The following RPS6KA2 variants were observed in gnomAD, a reference collection of about 807,000 sequenced individuals.
RPS6KA2 encodes ribosomal protein S6 kinase alpha-2.
Under a neutral mutation model 91.8 loss-of-function variants are expected in RPS6KA2, and 42 were observed. That is an observed-to-expected ratio of 0.46 (90% CI 0.36 to 0.59). The LOEUF is 0.59. Ranked by LOEUF, RPS6KA2 falls within the 20% of genes least tolerant of loss-of-function variation. The pLI is 0.00. For synonymous variants in RPS6KA2, 414 were observed against 393.6 expected (o/e 1.05, Z -0.61); for missense variants, 798 against 978.5 (o/e 0.82, Z 2.46).
Position 166,770,139 on chromosome 6 carries a change from G to A in RPS6KA2, c.123+88061C>T, listed in dbSNP as rs1778426806. On this transcript the variant is annotated intron_variant, in intron 2 of 21. Transcript: ENST00000503859. The surrounding 1 kb of genome is among the most constrained non-coding windows in gnomAD (Gnocchi z 5.1). ...ACCGCTGCAGAGGCGCGGCCCCAAG[G>A]ATGATCAATCCCATGGTGTCACAAC... Among the ~76,000 whole-genome samples the A allele has an allele frequency of 6.6e-6, 1 of 152,210 alleles. No homozygotes were observed. The highest frequency in any genetic ancestry group is 3.2e-3 in the Middle Eastern group (1 of 316).
At position 166,448,928 on chromosome 6, in the gene RPS6KA2, G is replaced by A. The variant is rs1472991311; in HGVS notation, c.1207-79C>T. On this transcript the variant is annotated intron_variant, in intron 13 of 20. Coordinates refer to ENST00000265678, the MANE Select transcript of RPS6KA2 (RefSeq NM_021135.6). The surrounding 1 kb of genome is among the most constrained non-coding windows in gnomAD (Gnocchi z 4.7). ...GTGCAGCTACACGCACACAGAATGT[G>A]GGGCGAAGAGAGGCACCGACTGTGA... is the stretch of plus-strand genomic sequence containing the variant. The A allele has an allele frequency of 6.4e-7, 1 of 1,556,436 alleles. No individual in the cohort carries two copies. The highest frequency in any genetic ancestry group is 8.8e-7 in the Non-Finnish European group (1 of 1,140,036).
chr6:166,611,574 G>A (rs946932307), intron 1 of RPS6KA2, among the ~76,000 whole-genome samples: 22 of 152,252 alleles, frequency 1.4e-4, no homozygotes, highest in Admixed American at 1.0e-3. Context: ...ATCTGTGTCA[G>A]AGAAAATCCA....
At position 166,423,222 on chromosome 6, in the gene RPS6KA2, G is replaced by C. The variant is rs1778788949; in HGVS notation, c.1743+34C>G. The stretch of plus-strand genomic sequence containing the variant: ...GGGGCAGAGCCTGTCTTTGCGGATA[G>C]AGAGGCCTGGGTCTGCAGTCGGGGA... On this transcript the variant is annotated intron_variant, in intron 17 of 20. Transcript: ENST00000265678. The surrounding 1 kb of genome is among the most constrained non-coding windows in gnomAD (Gnocchi z 4.8). 6.3e-7 allele frequency: 1 copy of C among 1,580,478 alleles called. No individual in the cohort carries two copies. Among genetic ancestry groups the C allele is most frequent in the African/African-American group, 1.3e-5 (1 of 74,372 alleles).
At position 166,435,373 on chromosome 6, in the gene RPS6KA2, G is replaced by C. The variant is rs144450095; in HGVS notation, c.1333-2883C>G. 6.6e-6 allele frequency among the ~76,000 whole-genome samples: 1 copy of C among 152,190 alleles called. No individual in the cohort carries two copies. Among genetic ancestry groups the C allele is most frequent in the Non-Finnish European group, 1.5e-5 (1 of 68,028 alleles). On this transcript the variant is annotated intron_variant, in intron 14 of 20. Coordinates refer to ENST00000265678, the MANE Select transcript of RPS6KA2 (RefSeq NM_021135.6). The surrounding 1 kb of genome is among the most constrained non-coding windows in gnomAD (Gnocchi z 4.3). ...GAGGCACACTGGATTTCAACCCATC[G>C]GAGCCAGTGTCCTGGTCATTTGCTA...
chr6:166,648,193 CTCAT>C lies in RPS6KA2; in HGVS notation c.124-109413_124-109410del, dbSNP rs5881710. 0.19 allele frequency among the ~76,000 whole-genome samples: 20,900 copies of C among 111,810 alleles called. 1,458 individuals are homozygous for C. Among genetic ancestry groups the C allele is most frequent in the East Asian group, 0.27 (962 of 3,528 alleles). 73.4% of individuals were successfully genotyped at this position (111,810 alleles called of 152,430 possible). A position where few individuals can be genotyped will look rare whatever the true frequency, so the allele number is the denominator to read the frequency against. On this transcript the variant is annotated intron_variant, in intron 2 of 21. Coordinates refer to the RPS6KA2 transcript ENST00000503859. The surrounding 1 kb of genome is among the most constrained non-coding windows in gnomAD (Gnocchi z 4.8). Reference sequence around the variant, plus strand: ...ACATGCTCACACACATGCACACATGCTCATACACACACTCATGCACACACACGCA... The same window carrying C: ...ACATGCTCACACACATGCACACATGCACACACACTCATGCACACACACGCA...
chr6:166,436,667 C>A (rs1779321107), intron 14 of RPS6KA2, among the ~76,000 whole-genome samples: 1 of 152,238 alleles, frequency 6.6e-6, no homozygotes, highest in African/African-American at 2.4e-5. Context: ...TAACAGTCAG[C>A]CTCCTGGCTT....
chr6:166,489,051 C>T, intron 9 of RPS6KA2, 130 bp from the exon 10 acceptor site: 1 of 671,556 alleles, frequency 1.5e-6, no homozygotes, highest in Middle Eastern at 2.5e-4. Context: ...CCACGTGGGT[C>T]TTAGGACCCT....
chr6:166,508,414 G>A lies in RPS6KA2; in HGVS notation c.380-132C>T, dbSNP rs1165686048. On this transcript the variant is annotated intron_variant, in intron 4 of 20. Coordinates refer to ENST00000265678, the MANE Select transcript of RPS6KA2 (RefSeq NM_021135.6). The surrounding 1 kb of genome is among the most constrained non-coding windows in gnomAD (Gnocchi z 4.3). ...GTCACTTGAGAAACGGCAGGACCCCGGCTGGTGACCAGCTCAGAGGGGCAG... is the reference window on the plus strand; with the variant it reads ...GTCACTTGAGAAACGGCAGGACCCCAGCTGGTGACCAGCTCAGAGGGGCAG... 2 of 637,296 alleles carry A rather than the reference G, an allele frequency of 3.1e-6. No homozygotes were observed. The allele number at this position is 637,296 out of a possible 1,614,324, so 39.5% of individuals were successfully genotyped here.
chr6:166,542,986 A>C (rs575419661), intron 1 of RPS6KA2, among the ~76,000 whole-genome samples: 1 of 152,078 alleles, frequency 6.6e-6, no homozygotes, highest in East Asian at 1.9e-4. Flanking sequence ...AATTTCCAGA[A>C]TAATAACAGA....
At chr6:166,496,845 T>C (rs1781803579) in intron 8 of RPS6KA2, among the ~76,000 whole-genome samples, 1 of 152,214 alleles carries the variant, frequency 6.6e-6, no homozygotes, top group African/African-American at 2.4e-5. Flanking sequence ...GAATCTCTCC[T>C]GAAGCCACAG....
chr6:166,501,306 G>A (rs753735761), intron 6 of RPS6KA2, among the ~76,000 whole-genome samples: 2 of 152,200 alleles, frequency 1.3e-5, no homozygotes, highest in African/African-American at 4.8e-5. Context: ...CCAGAGCCTC[G>A]CAGATGGAAT....
chr6:166,523,359 T>C (rs1387187248), intron 3 of RPS6KA2, among the ~76,000 whole-genome samples: 2 of 152,202 alleles, frequency 1.3e-5, no homozygotes, highest in East Asian at 3.8e-4. Flanking sequence ...TTAAGTACCA[T>C]GAGCAGGGAT....
chr6:166,651,590 C>G (rs1268757039), intron 2 of RPS6KA2, among the ~76,000 whole-genome samples: 2 of 152,228 alleles, frequency 1.3e-5, no homozygotes, highest in East Asian at 3.8e-4. Flanking sequence ...TTCCTCGAAG[C>G]ACTTTAGCTG....
In RPS6KA2 at chr6:166,710,504, GTGTGTGGT is replaced by G. The variant is rs758881257; in HGVS notation, c.123+147688_123+147695del. On this transcript the variant is annotated intron_variant, in intron 2 of 21. Transcript: ENST00000503859. Reference sequence around the variant, plus strand: ...TGTGTGAGTGTGTGTGTGTGTGTGTGTGTGTGGTGTGTGTGTGTTATGTGTGGTGTGTA... The same window carrying G: ...TGTGTGAGTGTGTGTGTGTGTGTGTGGTGTGTGTGTTATGTGTGGTGTGTA... 7.3e-5 allele frequency among the ~76,000 whole-genome samples: 11 copies of G among 151,082 alleles called. No individual in the cohort carries two copies. The East Asian group carries it at 1.4e-3, about 19-fold the overall frequency.
Position 166,469,885 on chromosome 6 carries a change from C to A in RPS6KA2, c.928G>T (p.Glu310Ter). 1 of 1,614,174 alleles carries A rather than the reference C, an allele frequency of 6.2e-7. No homozygotes were observed. The highest frequency in any genetic ancestry group is 1.3e-5 in the African/African-American group (1 of 75,050). ...AAGAAGGGATGGCGCTTAATTTCCT[C>A]CACTCCGTCAATGCCAGCACCTGTC... ...NRLGAGIDGVEEIKRHPFFVT... is the reference protein window; with the variant it reads ...NRLGAGIDGV Residue 310 changes from glutamate to a stop codon, truncating the protein, a stop_gained, in exon 11 of 21, where the codon GAG (glutamate) becomes TAG (stop). Transcript: ENST00000265678. LOFTEE classifies it high-confidence loss of function.
In RPS6KA2 at chr6:166,551,182, C is replaced by T. The variant is rs532463271; in HGVS notation, c.100-12398G>A. ...ACTCAAGCAAAACCAGCGACCATCT[C>T]TTTTGTAATGTATGTGTGTGTTGGA... On this transcript the variant is annotated intron_variant, in intron 1 of 20. Transcript: ENST00000265678. Among the ~76,000 whole-genome samples the T allele has an allele frequency of 6.6e-5, 10 of 152,178 alleles. 1 individual carries two copies. The East Asian group carries it at 1.9e-3, about 29-fold the overall frequency.
intron 1 of RPS6KA2, among the ~76,000 whole-genome samples, chr6:166,613,926 A>G (rs936265251): frequency 3.3e-5 from 5 of 151,608 alleles, no homozygotes; most frequent in Admixed American, 1.3e-4. Flanking sequence ...ATTCCTCCCC[A>G]AGGCCCCAAG....
rs149319419 is a variant in RPS6KA2 at position 166,821,288 on chromosome 6, G to A, written c.123+36912C>T. Among the ~76,000 whole-genome samples the A allele has an allele frequency of 5.1e-3, 778 of 152,008 alleles. 4 individuals are homozygous for A. The highest frequency in any genetic ancestry group is 0.017 in the African/African-American group (719 of 41,430). On this transcript the variant is annotated intron_variant, in intron 2 of 21. Coordinates refer to the RPS6KA2 transcript ENST00000503859. The surrounding 1 kb of genome is among the most constrained non-coding windows in gnomAD (Gnocchi z 4.1). ...GGATTTCTCTTTCTTTCCAGCAGGC[G>A]CACCCCAGGAGTGACAAATCAGCCT...
chr6:166,416,818 C>A (rs1208224628), intron 19 of RPS6KA2, among the ~76,000 whole-genome samples: 1 of 152,080 alleles, frequency 6.6e-6, no homozygotes, highest in Non-Finnish European at 1.5e-5. Context: ...CCATCACCTC[C>A]ATCATCGCTG....
Sources: allele counts gnomAD v4.1 joint callset (sites outside exome capture counted in the v4.1 genomes callset), GRCh38; gene constraint gnomAD v4.1.1; non-coding constraint Gnocchi (gnomAD v3.1); transcripts MANE v1.5; gene names NCBI Gene and HGNC (gene_info 2026-07-23, HGNC 2026-07-21).